ATM: variants seen among roughly 807,000 people sequenced by gnomAD.
ATM encodes the protein ATM serine/threonine kinase, also known as serine-protein kinase ATM.
In ATM, 308 loss-of-function variants were observed where a neutral mutation model predicts 387.0. The ratio of observed to expected loss-of-function variants is 0.80; its 90% CI spans 0.73 to 0.87. The LOEUF (loss-of-function observed/expected upper bound fraction) is 0.87, where lower values mean the gene tolerates loss of function less well. ATM is among the 40% of genes least tolerant of loss of function. The pLI, the probability that ATM is intolerant of heterozygous loss-of-function variation, is 0.00. For synonymous variants in ATM, 1,156 were observed against 1,187.3 expected, an observed-to-expected ratio of 0.97 and a Z score of 0.54; for missense variants, 3,312 against 3,560.9, an observed-to-expected ratio of 0.93 and a Z score of 1.78.
At chr11:108,262,002 T>C (rs1194287752) in intron 16 of ATM, among the ~76,000 whole-genome samples, 1 of 152,106 alleles carries the variant, frequency 6.6e-6, no homozygotes, top group East Asian at 1.9e-4. Context: ...CAAATCTACG[T>C]CTGATTGGTG....
chr11:108,289,667 G>C lies in ATM; in HGVS notation c.4302G>C (p.Lys1434Asn), dbSNP rs876658751. Residue 1434 changes from lysine to asparagine, a missense_variant, in exon 29 of 63, where the codon AAG becomes AAC. Transcript: ENST00000675843. ...CAGCTGAAACAAATAATGTTTATAA[G>C]AAGCACAGAATTCTTAAAATATATC... ...EQAAETNNVY[K>N]KHRILKIYHL... 4 of 1,612,782 alleles carry C rather than the reference G, an allele frequency of 2.5e-6. No homozygotes were observed. The highest frequency in any genetic ancestry group is 3.4e-6 in the Non-Finnish European group (4 of 1,179,652).
chr11:108,291,905 T>C (rs1228992353), intron 29 of ATM, among the ~76,000 whole-genome samples: 3 of 152,108 alleles, frequency 2.0e-5, no homozygotes, highest in African/African-American at 7.2e-5. Context: ...TCCCCCTAAT[T>C]TGTGGGTGCT....
At chr11:108,313,142 G>C (rs2136075603) in intron 40 of ATM, among the ~76,000 whole-genome samples, 1 of 152,286 alleles carries the variant, frequency 6.6e-6, no homozygotes, top group East Asian at 1.9e-4. Flanking sequence ...TCATGTTACA[G>C]AAACAGTTTA....
At position 108,268,562 on chromosome 11, in the gene ATM, A is replaced by G. The variant is rs1308253602; in HGVS notation, c.2791A>G (p.Ile931Val). 6.2e-7 allele frequency: 1 copy of G among 1,614,088 alleles called. No homozygotes were observed. The highest frequency in any genetic ancestry group is 8.5e-7 in the Non-Finnish European group (1 of 1,179,996). Residue 931 changes from isoleucine to valine, a missense_variant, in exon 18 of 63, where the codon ATT (isoleucine) becomes GTT (valine). Ile to Val is a conservative substitution (Grantham distance 29). Around this residue, in one of 4 missense-constraint regions of ATM, gnomAD observed 1,791 missense variants for 1,804.5 expected, o/e 0.99. Coordinates refer to ENST00000675843, the MANE Select transcript of ATM (RefSeq NM_000051.4). ...ADIRRKLLML[I>V]DSSTLEPTKS... The stretch of plus-strand genomic sequence containing the variant: ...TATTCGGAGGAAATTGTTAATGTTA[A>G]TTGATTCTAGCACGCTAGAACCTAC...
rs191210833 is a variant in ATM at position 108,289,548 on chromosome 11, T to C, written c.4237-54T>C. Reference sequence around the variant, plus strand: ...GAAGAAAAAATATAAAGTGTATTTATTGTAGCCGAGTATCTAATTAAACAA... The same window carrying C: ...GAAGAAAAAATATAAAGTGTATTTACTGTAGCCGAGTATCTAATTAAACAA... On this transcript the variant is annotated intron_variant, in intron 28 of 62. Transcript: ENST00000675843. The C allele has an allele frequency of 7.5e-3, 9,964 of 1,323,382 alleles. 67 individuals carry two copies. The highest frequency in any genetic ancestry group is 0.028 in the Middle Eastern group (105 of 3,788). 82.0% of individuals were successfully genotyped at this position (1,323,382 alleles called of 1,614,324 possible).
intron 16 of ATM, 121 bp from the exon 17 acceptor site, chr11:108,267,048 TGC>T: frequency 2.1e-6 from 2 of 948,274 alleles, no homozygotes; most frequent in Non-Finnish European, 3.3e-6. Context: ...CACCTGGCTC[TGC>T]CTCCCAAATT....
intron 3 of ATM, 46 bp from the exon 4 acceptor site, chr11:108,229,130 ATT>A: frequency 6.4e-7 from 1 of 1,563,000 alleles, no homozygotes; most frequent in Non-Finnish European, 8.7e-7. Flanking sequence ...AATTATTATA[ATT>A]TAAGTATTCA....
At chr11:108,354,942 G>T in intron 61 of ATM, 68 bp downstream of exon 61, 2 of 1,292,372 alleles carry the variant, frequency 1.5e-6, no homozygotes, top group Non-Finnish European at 2.2e-6. Flanking sequence ...TCATCAGGAA[G>T]TCACTGATGT....
intron 5 of ATM, among the ~76,000 whole-genome samples, chr11:108,240,622 CTAAACATATA>C (rs1337078791): frequency 6.6e-6 from 1 of 152,064 alleles, no homozygotes; most frequent in Non-Finnish European, 1.5e-5. Flanking sequence ...ATTTGTGTCT[CTAAACATATA>C]TAAACATAGA....
chr11:108,322,412 C>T (rs1037586150), intron 45 of ATM, among the ~76,000 whole-genome samples: 4 of 152,230 alleles, frequency 2.6e-5, no homozygotes, highest in African/African-American at 9.6e-5. Context: ...CTTCAGCCTC[C>T]CAAAGTGCTG....
intron 13 of ATM, among the ~76,000 whole-genome samples, chr11:108,254,423 G>A (rs1303095529): frequency 6.6e-6 from 1 of 152,158 alleles, no homozygotes; most frequent in Non-Finnish European, 1.5e-5. Flanking sequence ...CATCTGAAGA[G>A]AGATGAGTGA....
At chr11:108,279,210 A>G (rs1442495518) in intron 22 of ATM, among the ~76,000 whole-genome samples, 1 of 152,204 alleles carries the variant, frequency 6.6e-6, no homozygotes, top group Non-Finnish European at 1.5e-5. Context: ...GGCTAGTTTG[A>G]GTTCAGTGCT....
At chr11:108,307,238 C>T (rs1002779201) in intron 37 of ATM, among the ~76,000 whole-genome samples, 3 of 151,912 alleles carry the variant, frequency 2.0e-5, no homozygotes, top group Non-Finnish European at 4.4e-5. Context: ...CAACCTCTGC[C>T]CCTCAGGATC....
intron 33 of ATM, among the ~76,000 whole-genome samples, chr11:108,298,709 A>C (rs1026906314): frequency 9.2e-5 from 14 of 152,206 alleles, no homozygotes; most frequent in Non-Finnish European, 1.8e-4. Context: ...AAACAAGAAA[A>C]AGAAATTAAA....
rs876660748 is a variant in ATM at position 108,295,035 on chromosome 11, G to A, written c.4885G>A (p.Val1629Met). 1.9e-6 allele frequency: 3 copies of A among 1,613,938 alleles called. No individual in the cohort carries two copies. Among genetic ancestry groups the A allele is most frequent in the Non-Finnish European group, 2.5e-6 (3 of 1,179,886 alleles). The change falls in exon 32 of 63, where the codon GTG (valine) becomes ATG (methionine). Residue 1629 changes from valine to methionine, a missense_variant. Physicochemically the swap from Val to Met is conservative, Grantham distance 21. Transcript: ENST00000675843. ...ACTGGAACTACATAAAGATCAGATG[G>A]TGGACATTATGAGAGCTTCTCAGGG... Reference protein sequence around the residue: ...RQLELHKDQMVDIMRASQDNP... With the variant: ...RQLELHKDQMMDIMRASQDNP...
At chr11:108,328,357 C>T (rs1466686128) in intron 48 of ATM, among the ~76,000 whole-genome samples, 1 of 152,202 alleles carries the variant, frequency 6.6e-6, no homozygotes, top group African/African-American at 2.4e-5. Flanking sequence ...AGCGATTCTC[C>T]TGCCTCAGCT....
At chr11:108,307,338 T>G (rs2083771299) in intron 37 of ATM, among the ~76,000 whole-genome samples, 1 of 151,970 alleles carries the variant, frequency 6.6e-6, no homozygotes, top group Admixed American at 6.6e-5. Flanking sequence ...TTAATAGAGA[T>G]AGGGTTTCAC....
chr11:108,361,685 C>T (rs2090780226), intron 61 of ATM, among the ~76,000 whole-genome samples: 1 of 151,670 alleles, frequency 6.6e-6, no homozygotes, highest in South Asian at 2.1e-4. Flanking sequence ...CTGAGAAAAA[C>T]AAGCAATGGG....
rs1057520231 is a variant in ATM, at chr11:108,335,975, C to T, written c.8268+14C>T. ...TGTACTTATAAGGTAACTATTTGTA[C>T]TTCTGTTAGTTCACCAAAAACATAT... is the stretch of plus-strand genomic sequence containing the variant. On this transcript the variant is annotated intron_variant, in intron 56 of 62. Coordinates refer to ENST00000675843, the MANE Select transcript of ATM (RefSeq NM_000051.4). 6.3e-7 allele frequency: 1 copy of T among 1,577,618 alleles called. No individual in the cohort carries two copies. The highest frequency in any genetic ancestry group is 8.7e-7 in the Non-Finnish European group (1 of 1,147,198).
Sources: allele counts gnomAD v4.1 joint callset (sites outside exome capture counted in the v4.1 genomes callset), GRCh38; gene constraint gnomAD v4.1.1; regional missense constraint gnomAD v4.1.1; transcripts MANE v1.5; gene names NCBI Gene and HGNC (gene_info 2026-07-23, HGNC 2026-07-21).